GALNT11: variants seen among roughly 807,000 people sequenced by gnomAD.
The protein encoded by GALNT11 is polypeptide N-acetylgalactosaminyltransferase 11.
A neutral mutation model predicts 72.7 loss-of-function variants in GALNT11; 47 were observed. That is an observed-to-expected ratio of 0.65 (90% CI 0.51 to 0.82). The LOEUF (loss-of-function observed/expected upper bound fraction) is 0.82, where lower values mean the gene tolerates loss of function less well. Ranked by LOEUF, GALNT11 falls within the 40% of genes least tolerant of loss-of-function variation. The pLI, the probability that GALNT11 is intolerant of heterozygous loss-of-function variation, is 0.00. For synonymous variants in GALNT11, 270 were observed against 286.6 expected, an observed-to-expected ratio of 0.94 and a Z score of 0.58; for missense variants, 677 against 778.4, an observed-to-expected ratio of 0.87 and a Z score of 1.55.
rs1282753855 is a variant in GALNT11 at position 152,094,527 on chromosome 7, G to C, written c.295+5G>C. ...TGAAATTCTCTTCTGAATTAGGTAA[G>C]TATATGATGTTTACCAGCATCCATA... is the stretch of plus-strand genomic sequence containing the variant. On this transcript the variant is annotated splice_donor_5th_base_variant and intron_variant, in intron 2 of 11. Transcript: ENST00000430044. This position sits in a 1 kb window ranked among gnomAD's most constrained non-coding sequence, Gnocchi z 4.3. 6.3e-7 allele frequency: 1 copy of C among 1,591,014 alleles called. No homozygotes were observed. The highest frequency in any genetic ancestry group is 1.3e-5 in the African/African-American group (1 of 74,200).
At chr7:152,060,720 G>A (rs1341462451) in intron 1 of GALNT11, among the ~76,000 whole-genome samples, 8 of 151,722 alleles carry the variant, frequency 5.3e-5, no homozygotes, top group African/African-American at 4.8e-5. Flanking sequence ...GAGAACATGC[G>A]GTGTTTGGTT....
chr7:152,047,709 TGC>T (rs1554418398), intron 1 of GALNT11, among the ~76,000 whole-genome samples: 2 of 151,206 alleles, frequency 1.3e-5, no homozygotes, highest in Admixed American at 6.6e-5. Context: ...TGTGTGTGTG[TGC>T]GCACACACAC....
chr7:152,120,423 CT>C, intron 10 of GALNT11: 2 of 192,114 alleles, frequency 1.0e-5, no homozygotes, highest in South Asian at 2.0e-4. Context: ...AGCCTGTGCA[CT>C]TCCTGACTGC....
At chr7:152,102,491 G>A (rs946815879) in intron 3 of GALNT11, among the ~76,000 whole-genome samples, 109 of 152,068 alleles carry the variant, frequency 7.2e-4, no homozygotes, top group African/African-American at 2.5e-3. Flanking sequence ...GCAGTGAGCC[G>A]AGATCGCGCC....
At position 152,053,824 on chromosome 7, in the gene GALNT11, C is replaced by A. The variant is rs148105048; in HGVS notation, c.-39+27940C>A. On this transcript the variant is annotated intron_variant, in intron 1 of 11. Coordinates refer to ENST00000430044, the MANE Select transcript of GALNT11 (RefSeq NM_022087.4). ...GCCTGAGCAACATAAATAAATAAAC[C>A]TTTTGTCTGCACAAAAATAAATAAA... Among the ~76,000 whole-genome samples, 428 of 152,246 alleles carry A rather than the reference C, an allele frequency of 2.8e-3. 1 individual carries two copies. Among genetic ancestry groups the A allele is most frequent in the Middle Eastern group, 0.01 (3 of 294 alleles).
At chr7:152,112,551 AAAG>A (rs1459936496) in intron 7 of GALNT11, among the ~76,000 whole-genome samples, 17 of 152,120 alleles carry the variant, frequency 1.1e-4, no homozygotes, top group African/African-American at 4.1e-4. Context: ...AAAAAAAAAA[AAAG>A]AAAAAGCAGG....
chr7:152,026,992 G>A (rs898050109), intron 1 of GALNT11, among the ~76,000 whole-genome samples: 6 of 152,230 alleles, frequency 3.9e-5, no homozygotes, highest in African/African-American at 9.6e-5. Flanking sequence ...GCTCACGCCT[G>A]TAATCCCAGC....
At position 152,031,161 on chromosome 7, in the gene GALNT11, G is replaced by A. The variant is rs566591096; in HGVS notation, c.-39+5277G>A. On this transcript the variant is annotated intron_variant, in intron 1 of 11. Transcript: ENST00000430044. ...TTCTCCTGACTGGGTGCTGGTCCTT[G>A]GGGGAGGAGGCTTACTTTCAAGTAC... Among the ~76,000 whole-genome samples, 4 of 152,322 alleles carry A rather than the reference G, an allele frequency of 2.6e-5. No individual in the cohort carries two copies. The South Asian group carries it at 8.3e-4, about 32-fold the overall frequency.
At chr7:152,064,669 C>T (rs1002367692) in intron 1 of GALNT11, among the ~76,000 whole-genome samples, 2 of 152,152 alleles carry the variant, frequency 1.3e-5, no homozygotes, top group African/African-American at 4.8e-5. Context: ...AATCTCTCAG[C>T]ATTTGCTTGT....
chr7:152,084,860 A>C (rs375723773), intron 1 of GALNT11, among the ~76,000 whole-genome samples: 7 of 152,186 alleles, frequency 4.6e-5, no homozygotes, highest in African/African-American at 1.7e-4. Context: ...TAAGTATAGC[A>C]GTGCTTACCC....
intron 1 of GALNT11, among the ~76,000 whole-genome samples, chr7:152,034,797 A>G (rs571233076): frequency 4.5e-4 from 68 of 152,214 alleles, no homozygotes; most frequent in Middle Eastern, 3.4e-3. Context: ...CCTAGACCAC[A>G]AGGAGGACCG....
Position 152,108,020 on chromosome 7 carries a change from C to A in GALNT11, c.713-18C>A, listed in dbSNP as rs573380170. The A allele has an allele frequency of 1.9e-6, 3 of 1,597,758 alleles. No individual in the cohort carries two copies. The Admixed American group carries it at 5.0e-5, about 27-fold the overall frequency. On this transcript the variant is annotated intron_variant, in intron 5 of 11. Coordinates refer to ENST00000430044, the MANE Select transcript of GALNT11 (RefSeq NM_022087.4). ...AGTGTTGTGACACTCTCCTGAGCCT[C>A]TGTTGTTTCCTCCCCAGGAGAAGTC...
At chr7:152,040,038 A>G (rs1051404938) in intron 1 of GALNT11, among the ~76,000 whole-genome samples, 3 of 152,026 alleles carry the variant, frequency 2.0e-5, no homozygotes, top group Non-Finnish European at 4.4e-5. Flanking sequence ...CATTCTTTCC[A>G]CTATGGCTTG....
In GALNT11 at chr7:152,065,665, G is replaced by A. The variant is rs559087495; in HGVS notation, c.-38-28525G>A. ...TGTTAGTTTTCCTTCTAACAGTCAG[G>A]ACCCTCAGCTGCAGGTCTGTTGGAG... On this transcript the variant is annotated intron_variant, in intron 1 of 11. Transcript: ENST00000430044. Among the ~76,000 whole-genome samples the A allele has an allele frequency of 2.0e-5, 3 of 152,338 alleles. No individual in the cohort carries two copies. In the South Asian group the frequency reaches 6.2e-4, roughly 32 times the overall value.
intron 1 of GALNT11, among the ~76,000 whole-genome samples, chr7:152,076,088 A>T: frequency 6.8e-6 from 1 of 147,700 alleles, no homozygotes; most frequent in South Asian, 2.1e-4. Context: ...AAAAAAAAAA[A>T]AAGAAGAAGA....
rs375106713 is a variant in GALNT11 at position 152,117,218 on chromosome 7, G to A, written c.1295G>A (p.Arg432His). The change falls in exon 9 of 12, where the codon CGT becomes CAT. Residue 432 changes from arginine (R) to histidine (H), a missense_variant. Transcript: ENST00000430044. ...AAAAGCTATGGCAATATCAGTGAGC[G>A]TGTGGAACTGAGAAAGAAGTTGGGC... ...KTKSYGNISE[R>H]VELRKKLGCK... is the part of the protein sequence containing the mutation. 4 of 1,614,000 alleles carry A rather than the reference G, an allele frequency of 2.5e-6. No homozygotes were observed. Among genetic ancestry groups the A allele is most frequent in the African/African-American group, 1.3e-5 (1 of 74,872 alleles).
chr7:152,085,988 A>G (rs2085624499), intron 1 of GALNT11, among the ~76,000 whole-genome samples: 1 of 151,968 alleles, frequency 6.6e-6, no homozygotes, highest in Non-Finnish European at 1.5e-5. Context: ...CCCTGGTTCA[A>G]GCGATTCTCC....
chr7:152,110,011 C>T (rs1182712416), intron 6 of GALNT11, among the ~76,000 whole-genome samples: 1 of 152,182 alleles, frequency 6.6e-6, no homozygotes, highest in African/African-American at 2.4e-5. Flanking sequence ...GAATCCCAGA[C>T]CTCAACCCAG....
At position 152,108,021 on chromosome 7, in the gene GALNT11, T is replaced by C; in HGVS notation, c.713-17T>C. On this transcript the variant is annotated splice_polypyrimidine_tract_variant and intron_variant, in intron 5 of 11. Coordinates refer to ENST00000430044, the MANE Select transcript of GALNT11 (RefSeq NM_022087.4). ...GTGTTGTGACACTCTCCTGAGCCTC[T>C]GTTGTTTCCTCCCCAGGAGAAGTCC... 1 of 1,597,948 alleles carries C rather than the reference T, an allele frequency of 6.3e-7. No individual in the cohort carries two copies.
Sources: allele counts gnomAD v4.1 joint callset (sites outside exome capture counted in the v4.1 genomes callset), GRCh38; gene constraint gnomAD v4.1.1; non-coding constraint Gnocchi (gnomAD v3.1); transcripts MANE v1.5; gene names NCBI Gene and HGNC (gene_info 2026-07-23, HGNC 2026-07-21).